Variants in COL13A1 observed in about 807,000 individuals in gnomAD.
The protein encoded by COL13A1 is collagen type XIII alpha 1 chain, also known as collagen alpha-1(XIII) chain.
COL13A1 carries 89 observed loss-of-function variants against 130.9 expected under a neutral mutation model. The ratio of observed to expected loss-of-function variants is 0.68; its 90% CI spans 0.57 to 0.81. The LOEUF is 0.81. COL13A1 is among the 30% of genes least tolerant of loss of function. The pLI is 0.00. For synonymous variants in COL13A1, 402 were observed against 341.6 expected (o/e 1.18, Z -1.95); for missense variants, 879 against 934.6 (o/e 0.94, Z 0.78).
intron 17 of COL13A1, among the ~76,000 whole-genome samples, chr10:69,906,107 G>C (rs2062727888): frequency 6.6e-6 from 1 of 152,226 alleles, no homozygotes; most frequent in Non-Finnish European, 1.5e-5. Context: ...AATAACCCCA[G>C]TGAAGGCAGA....
intron 30 of COL13A1, 73 bp from the exon 31 acceptor site, chr10:69,932,486 AC>A: frequency 9.3e-7 from 1 of 1,070,868 alleles, no homozygotes. Context: ...CTAGTTTGTC[AC>A]AGATGTGAGG....
In COL13A1 at chr10:69,934,746, G is replaced by A. The variant is rs554419204; in HGVS notation, c.1729-604G>A. The stretch of plus-strand genomic sequence containing the variant: ...AGCACAATCTGCATCTGCTCTCAAG[G>A]GAAACAGAGACCAGCAGTCCCCATC... On this transcript the variant is annotated intron_variant, in intron 31 of 40. Coordinates refer to ENST00000645393, the MANE Select transcript of COL13A1 (RefSeq NM_001368882.1). 9.8e-5 allele frequency among the ~76,000 whole-genome samples: 15 copies of A among 152,314 alleles called. 1 individual carries two copies. Among genetic ancestry groups the A allele is most frequent in the Admixed American group, 1.3e-4 (2 of 15,292 alleles).
At chr10:69,835,650 A>T (rs1309503411) in intron 2 of COL13A1, among the ~76,000 whole-genome samples, 1 of 152,142 alleles carries the variant, frequency 6.6e-6, no homozygotes, top group Non-Finnish European at 1.5e-5. Flanking sequence ...TCGAGGATAC[A>T]GGGTTAGGCA....
At chr10:69,814,212 G>T (rs1564735641) in intron 1 of COL13A1, among the ~76,000 whole-genome samples, 1 of 152,210 alleles carries the variant, frequency 6.6e-6, no homozygotes, top group African/African-American at 2.4e-5. Flanking sequence ...CATTCCAGTG[G>T]GCACCTCCTC....
chr10:69,802,344 T>G lies in COL13A1; in HGVS notation c.-80T>G. 3.0e-6 allele frequency: 4 copies of G among 1,347,632 alleles called. No homozygotes were observed. The highest frequency in any genetic ancestry group is 3.8e-6 in the Non-Finnish European group (4 of 1,044,812). The allele number at this position is 1,347,632 out of a possible 1,614,324, so 83.5% of individuals were successfully genotyped here. A position where few individuals can be genotyped will look rare whatever the true frequency, so the allele number is the denominator to read the frequency against. On this transcript the variant is annotated 5_prime_UTR_variant, in exon 1 of 41. Transcript: ENST00000645393. ...CAAGCCCTTTCCCCCTGCCCCGCAG[T>G]TTGGATAGAGCCTTTTGGCAGCGGC...
rs1427904529 is a variant in COL13A1 at position 69,902,815 on chromosome 10, C to T, written c.818C>T (p.Pro273Leu). The T allele has an allele frequency of 6.5e-7, 1 of 1,549,222 alleles. No homozygotes were observed. Among genetic ancestry groups the T allele is most frequent in the Non-Finnish European group, 8.7e-7 (1 of 1,145,532 alleles). The part of the protein sequence containing the change: ...GPPGPPGPSG[P>L]LGHPGLPGPM... ...CCAGGCCCCCCTGGACCAAGTGGAC[C>T]TCTGGGGCACCCAGGACTGCCAGGG... The change falls in exon 15 of 41, where the codon CCT becomes CTT. Residue 273 changes from proline to leucine, a missense_variant. Transcript: ENST00000645393.
chr10:69,892,048 C>T (rs2061227915), intron 10 of COL13A1, among the ~76,000 whole-genome samples: 1 of 152,156 alleles, frequency 6.6e-6, no homozygotes, highest in African/African-American at 2.4e-5. Flanking sequence ...ACACACTTGA[C>T]CGCCTGTCCA....
intron 2 of COL13A1, among the ~76,000 whole-genome samples, chr10:69,863,469 G>A (rs1184214626): frequency 6.6e-6 from 1 of 152,102 alleles, no homozygotes; most frequent in Non-Finnish European, 1.5e-5. Context: ...CATGGGTGGG[G>A]GCTAGGACCC....
intron 2 of COL13A1, among the ~76,000 whole-genome samples, chr10:69,855,555 ATGT>A (rs902763060): frequency 2.6e-5 from 4 of 152,208 alleles, no homozygotes; most frequent in African/African-American, 7.2e-5. Flanking sequence ...ATTGCTGTAT[ATGT>A]TGTTAATTGT....
At chr10:69,935,964 T>C (rs1339125598) in intron 32 of COL13A1, among the ~76,000 whole-genome samples, 10 of 148,842 alleles carry the variant, frequency 6.7e-5, no homozygotes. Flanking sequence ...TGAGCCAAGA[T>C]GGCACCACTG....
At chr10:69,829,263 C>G (rs1485676863) in intron 2 of COL13A1, 3 of 985,384 alleles carry the variant, frequency 3.0e-6, no homozygotes, top group Non-Finnish European at 3.6e-6. Flanking sequence ...CCTCCAAACC[C>G]TTCTTTACAC....
intron 13 of COL13A1, 82 bp downstream of exon 13, chr10:69,895,658 G>T (rs1476604235): frequency 6.8e-7 from 1 of 1,472,536 alleles, no homozygotes; most frequent in Non-Finnish European, 9.5e-7. Context: ...TCTCCCTGGG[G>T]TCTCCAGTTA....
rs541983693 is a variant in COL13A1 at position 69,888,076 on chromosome 10, G to A, written c.550-228G>A. Among the ~76,000 whole-genome samples, 83 of 152,302 alleles carry A rather than the reference G, an allele frequency of 5.4e-4. 1 individual carries two copies. The highest frequency in any genetic ancestry group is 1.2e-3 in the South Asian group (6 of 4,822). ...GAGGCCACCCATTGGGTTCTCTCTT[G>A]CGCTGTGCACCTGGCATCCAACATT... is the stretch of plus-strand genomic sequence containing the variant. On this transcript the variant is annotated intron_variant, in intron 8 of 40. Coordinates refer to ENST00000645393, the MANE Select transcript of COL13A1 (RefSeq NM_001368882.1).
At chr10:69,852,184 G>A (rs929346255) in intron 2 of COL13A1, among the ~76,000 whole-genome samples, 6 of 152,090 alleles carry the variant, frequency 3.9e-5, no homozygotes. Context: ...CCAAGCTAAA[G>A]CATTTTCCCA....
chr10:69,930,115 C>A (rs777567651), intron 29 of COL13A1, 28 bp downstream of exon 29: 1 of 1,612,196 alleles, frequency 6.2e-7, no homozygotes, highest in Admixed American at 1.7e-5. Flanking sequence ...CTGGTCAAAC[C>A]TCTGAAGACA....
chr10:69,835,272 T>C (rs2133065549), intron 2 of COL13A1, among the ~76,000 whole-genome samples: 1 of 152,238 alleles, frequency 6.6e-6, no homozygotes. Flanking sequence ...CAGATGCTCC[T>C]TTGGAGGAAA....
chr10:69,909,778 T>G (rs1210933077), intron 17 of COL13A1, among the ~76,000 whole-genome samples: 1 of 152,234 alleles, frequency 6.6e-6, no homozygotes, highest in Non-Finnish European at 1.5e-5. Context: ...CTCTGAATCT[T>G]GAGATGAAGT....
Position 69,919,062 on chromosome 10 carries a change from G to A in COL13A1, c.1000G>A (p.Gly334Ser). 6.2e-7 allele frequency: 1 copy of A among 1,613,958 alleles called. No individual in the cohort carries two copies. The highest frequency in any genetic ancestry group is 1.1e-5 in the South Asian group (1 of 91,076). Residue 334 changes from glycine (G) to serine (S), a missense_variant and splice_region_variant, in exon 20 of 41, where the codon GGT becomes AGT. Gly to Ser is a moderately conservative substitution (Grantham distance 56). This residue lies in a region of COL13A1 where 715 missense variants were observed against 721.0 expected (regional missense o/e 0.99). Transcript: ENST00000645393. ...CATTTGTTTCTCTTTTTCCACACAG[G>A]GTGAGCCAGGGATCCCAGGAACCAA... ...APGIAVAGMK[G>S]EPGIPGTKGD...
intron 30 of COL13A1, 32 bp from the exon 31 acceptor site, chr10:69,932,528 G>A: frequency 6.3e-7 from 1 of 1,581,184 alleles, no homozygotes; most frequent in South Asian, 1.1e-5. Flanking sequence ...CACAAGGGCT[G>A]GCATTCATGC....
Sources: gnomAD v4.1 joint callset for allele counts (sites outside exome capture counted in the v4.1 genomes callset) on GRCh38, gnomAD v4.1.1 for gene constraint, gnomAD v4.1.1 regional missense constraint, MANE v1.5 for transcripts, NCBI Gene and HGNC (gene_info 2026-07-23, HGNC 2026-07-21) for gene names.